The following PCDHA4 variants were observed in gnomAD, a reference collection of about 807,000 sequenced individuals.
PCDHA4 encodes the protein protocadherin alpha 4.
PCDHA4 carries 49 observed loss-of-function variants against 61.4 expected under a neutral mutation model. That is an observed-to-expected ratio of 0.80 (90% CI 0.63 to 1.01). The LOEUF (loss-of-function observed/expected upper bound fraction) is 1.01, where lower values mean the gene tolerates loss of function less well. PCDHA4 is among the 50% of genes least tolerant of loss of function. PCDHA4 has a pLI of 0.00. For missense variants in PCDHA4, 1,254 were observed against 1,235.8 expected, an observed-to-expected ratio of 1.01 and a Z score of -0.22; for synonymous variants, 590 against 550.3, an observed-to-expected ratio of 1.07 and a Z score of -1.01.
chr5:141,009,760 A>G lies in PCDHA4; in HGVS notation c.2667A>G (p.Gly889=), dbSNP rs782167920. The change falls in exon 4 of 4, where the codon GGA becomes GGG. Residue 889 remains glycine, a synonymous_variant. Coordinates refer to ENST00000530339, the MANE Select transcript of PCDHA4 (RefSeq NM_018907.4). ...GELPDKFIIP[G]SPAIISIRQE... ...TGCCCGACAAATTCATTATCCCAGGATCTCCTGCAATCATCTCCATCCGGC... is the reference window on the plus strand; with the variant it reads ...TGCCCGACAAATTCATTATCCCAGGGTCTCCTGCAATCATCTCCATCCGGC... 6.2e-7 allele frequency: 1 copy of G among 1,614,130 alleles called. No homozygotes were observed. Among genetic ancestry groups the G allele is most frequent in the Non-Finnish European group, 8.5e-7 (1 of 1,180,026 alleles).
intron 1 of PCDHA4, among the ~76,000 whole-genome samples, chr5:140,922,508 C>A (rs2080871857): frequency 6.6e-6 from 1 of 152,090 alleles, no homozygotes; most frequent in African/African-American, 2.4e-5. Flanking sequence ...GCAGATGCAC[C>A]ATTATTTCAA....
chr5:140,814,792 T>C (rs1765590173), intron 1 of PCDHA4: 1 of 152,218 alleles, frequency 6.6e-6, no homozygotes, highest in South Asian at 2.1e-4. Context: ...AACGTTGTTA[T>C]ACAACACTTG....
intron 1 of PCDHA4, among the ~76,000 whole-genome samples, chr5:140,844,826 C>T (rs1554140734): frequency 6.7e-6 from 1 of 149,170 alleles, no homozygotes; most frequent in East Asian, 1.9e-4. Context: ...TGTCTTTTTA[C>T]ACGTTTGCTT....
At chr5:140,850,125 C>T (rs2041366317) in intron 1 of PCDHA4, 1 of 1,596,002 alleles carries the variant, frequency 6.3e-7, no homozygotes, top group Non-Finnish European at 8.6e-7. Context: ...GGGCGTGCCG[C>T]CTCTGGGCAG....
At chr5:140,849,600 A>G (rs2040983382) in intron 1 of PCDHA4, 1 of 1,598,580 alleles carries the variant, frequency 6.3e-7, no homozygotes, top group Non-Finnish European at 8.6e-7. Context: ...GGGGACAGTT[A>G]TTGCCCTGAT....
chr5:140,824,001 C>A (rs1210626259), intron 1 of PCDHA4: 6 of 1,613,960 alleles, frequency 3.7e-6, no homozygotes, highest in African/African-American at 2.7e-5. Flanking sequence ...TGTGCTCCAG[C>A]GCGGTGGGGA....
At chr5:141,000,391 CTCTCTA>C (rs1434799221) in intron 3 of PCDHA4, among the ~76,000 whole-genome samples, 1,083 of 55,870 alleles carry the variant, frequency 0.019, 5 homozygotes, top group Non-Finnish European at 0.023. Context: ...CTCTCTCTCT[CTCTCTA>C]TATATATATA....
chr5:140,950,820 AG>A (rs1429119954), intron 1 of PCDHA4, among the ~76,000 whole-genome samples: 2 of 152,088 alleles, frequency 1.3e-5, no homozygotes, highest in Non-Finnish European at 2.9e-5. Context: ...GTAGGGTTAA[AG>A]TTTGGTCCTT....
intron 1 of PCDHA4, chr5:140,929,684 A>C: frequency 3.4e-6 from 1 of 294,182 alleles, no homozygotes; most frequent in Non-Finnish European, 6.5e-6. Flanking sequence ...AATATGTAAG[A>C]GTCTGCTTTA....
Position 140,856,434 on chromosome 5 carries a change from C to T in PCDHA4, c.2385+46862C>T, listed in dbSNP as rs551569829. 39 of 1,598,320 alleles carry T rather than the reference C, an allele frequency of 2.4e-5. 3 individuals carry two copies. The South Asian group carries it at 3.9e-4, about 16-fold the overall frequency. On this transcript the variant is annotated intron_variant, in intron 1 of 3. Coordinates refer to ENST00000530339, the MANE Select transcript of PCDHA4 (RefSeq NM_018907.4). Reference sequence around the variant, plus strand: ...GAAGTGAAGGACATTAACGACAACCCGCCCAGGTTCTCCGTAACAGAACAA... The same window carrying T: ...GAAGTGAAGGACATTAACGACAACCTGCCCAGGTTCTCCGTAACAGAACAA...
intron 1 of PCDHA4, chr5:140,968,436 C>T (rs1479503016): frequency 3.1e-6 from 5 of 1,613,876 alleles, no homozygotes; most frequent in Non-Finnish European, 3.4e-6. Context: ...AAGGGGAGCC[C>T]ACCACTGAGC....
At position 140,883,968 on chromosome 5, in the gene PCDHA4, C is replaced by G. The variant is rs201548026; in HGVS notation, c.2385+74396C>G. 34 of 1,613,020 alleles carry G rather than the reference C, an allele frequency of 2.1e-5. No homozygotes were observed. The East Asian group carries it at 7.4e-4, about 35-fold the overall frequency. ...AACGACAACGCTCCGGCGCTGCTGACGCCCGGGGCTGGCAGCGCGGGAGGC... is the reference window on the plus strand; with the variant it reads ...AACGACAACGCTCCGGCGCTGCTGAGGCCCGGGGCTGGCAGCGCGGGAGGC... On this transcript the variant is annotated intron_variant, in intron 1 of 3. Coordinates refer to ENST00000530339, the MANE Select transcript of PCDHA4 (RefSeq NM_018907.4).
chr5:140,848,002 AG>A, intron 1 of PCDHA4: 1 of 156,592 alleles, frequency 6.4e-6, no homozygotes, highest in Admixed American at 6.0e-5. Flanking sequence ...CCAGAACAAA[AG>A]AATTTTGTAA....
rs199848124 is a variant in PCDHA4 at position 140,875,823 on chromosome 5, C to T, written c.2385+66251C>T. 3,681 of 1,614,172 alleles carry T rather than the reference C, an allele frequency of 2.3e-3. 15 individuals carry two copies. Among genetic ancestry groups the T allele is most frequent in the Middle Eastern group, 9.6e-3 (58 of 6,062 alleles). The stretch of plus-strand genomic sequence containing the variant: ...TCGTGGACAGGCCGCTGCAGGTTTT[C>T]CATGTGGACGTGGAGGTGAAGGACA... On this transcript the variant is annotated intron_variant, in intron 1 of 3. Transcript: ENST00000530339.
chr5:140,979,355 T>C (rs1437499560), intron 2 of PCDHA4, among the ~76,000 whole-genome samples: 6 of 152,206 alleles, frequency 3.9e-5, no homozygotes, highest in African/African-American at 1.4e-4. Flanking sequence ...TTAATACTCA[T>C]GCTTTGAGAC....
chr5:140,889,108 T>C (rs553126619), intron 1 of PCDHA4, among the ~76,000 whole-genome samples: 3 of 151,936 alleles, frequency 2.0e-5, no homozygotes, highest in Admixed American at 1.3e-4. Context: ...TCATCTTTAT[T>C]CCAGGTGATA....
At chr5:140,960,922 G>C (rs562658138) in intron 1 of PCDHA4, among the ~76,000 whole-genome samples, 1 of 152,272 alleles carries the variant, frequency 6.6e-6, no homozygotes, top group East Asian at 1.9e-4. Flanking sequence ...ATAGAAAATT[G>C]GTACTAAGTT....
At chr5:140,917,863 G>A (rs182359679) in intron 1 of PCDHA4, among the ~76,000 whole-genome samples, 1 of 151,750 alleles carries the variant, frequency 6.6e-6, no homozygotes, top group East Asian at 1.9e-4. Context: ...GGATTGCTTT[G>A]ACTATTTGGG....
chr5:140,865,528 T>C (rs2048902393), intron 1 of PCDHA4: 1 of 152,220 alleles, frequency 6.6e-6, no homozygotes, highest in Non-Finnish European at 1.5e-5. Context: ...GGAATTCTCT[T>C]CATCCATAGC....
Sources: gnomAD v4.1 joint callset for allele counts (sites outside exome capture counted in the v4.1 genomes callset) on GRCh38, gnomAD v4.1.1 for gene constraint, MANE v1.5 for transcripts, NCBI Gene and HGNC (gene_info 2026-07-23, HGNC 2026-07-21) for gene names.